Variants in NALF1 observed in about 807,000 individuals in gnomAD.
The protein encoded by NALF1 is NALCN channel auxiliary factor 1.
A neutral mutation model predicts 48.4 loss-of-function variants in NALF1; 3 were observed. The observed-to-expected ratio is 0.06, with a 90% CI of 0.03 to 0.16. The LOEUF (loss-of-function observed/expected upper bound fraction) is 0.16. Among genes scored for constraint, NALF1 ranks in the 10% least tolerant of loss-of-function variants. The probability of loss-of-function intolerance (pLI) is 1.00; values close to 1 mark genes in which losing one functional copy is unlikely to be tolerated. For missense variants in NALF1, 526 were observed against 571.5 expected, an observed-to-expected ratio of 0.92 and a Z score of 0.81; for synonymous variants, 262 against 245.7, an observed-to-expected ratio of 1.07 and a Z score of -0.62.
At chr13:107,753,736 C>A (rs753120728) in intron 1 of NALF1, among the ~76,000 whole-genome samples, 1 of 151,964 alleles carries the variant, frequency 6.6e-6, no homozygotes, top group African/African-American at 2.4e-5. Context: ...TATAGGTATA[C>A]GTCATTATTT....
chr13:107,531,722 T>A (rs1423023171), intron 1 of NALF1, among the ~76,000 whole-genome samples: 1 of 152,126 alleles, frequency 6.6e-6, no homozygotes, highest in Non-Finnish European at 1.5e-5. Context: ...TTTATCTCAG[T>A]ATGCTCATCT....
At chr13:107,708,827 C>G (rs142038715) in intron 1 of NALF1, among the ~76,000 whole-genome samples, 13 of 152,216 alleles carry the variant, frequency 8.5e-5, no homozygotes, top group Non-Finnish European at 1.0e-4. Context: ...CAGATCAACC[C>G]ATCACCTAGG....
At chr13:107,464,163 G>A (rs1884962393) in intron 1 of NALF1, among the ~76,000 whole-genome samples, 1 of 151,926 alleles carries the variant, frequency 6.6e-6, no homozygotes, top group Non-Finnish European at 1.5e-5. Flanking sequence ...ACCTATCTAA[G>A]TTCCATGAAT....
chr13:107,271,806 A>ATTTATT (rs1278003170), intron 1 of NALF1, among the ~76,000 whole-genome samples: 5 of 25,244 alleles, frequency 2.0e-4, no homozygotes, highest in Admixed American at 4.9e-4. Flanking sequence ...ATATATATAT[A>ATTTATT]TATATATATA....
intron 1 of NALF1, among the ~76,000 whole-genome samples, chr13:107,293,310 C>T (rs975763639): frequency 2.0e-5 from 3 of 152,110 alleles, no homozygotes; most frequent in Non-Finnish European, 2.9e-5. Context: ...GAGCCACCAT[C>T]GTACATGTGG....
intron 1 of NALF1, among the ~76,000 whole-genome samples, chr13:107,651,119 G>A (rs1490755833): frequency 2.5e-5 from 2 of 81,510 alleles, no homozygotes; most frequent in Non-Finnish European, 5.7e-5. Context: ...TGCTTTATTT[G>A]ATTTGTTTAA....
intron 1 of NALF1, among the ~76,000 whole-genome samples, chr13:107,504,745 A>C (rs1020823527): frequency 1.1e-4 from 17 of 152,124 alleles, no homozygotes; most frequent in African/African-American, 4.1e-4. Flanking sequence ...CTTTCTCCCT[A>C]TTCTGTCTCC....
At chr13:107,408,307 C>T (rs1460019355) in intron 1 of NALF1, among the ~76,000 whole-genome samples, 1 of 151,962 alleles carries the variant, frequency 6.6e-6, no homozygotes, top group Admixed American at 6.6e-5. Flanking sequence ...ATCCAAAGGA[C>T]AAATGCTTAT....
chr13:107,431,392 C>T (rs1884379325), intron 1 of NALF1, among the ~76,000 whole-genome samples: 1 of 152,198 alleles, frequency 6.6e-6, no homozygotes, highest in African/African-American at 2.4e-5. Flanking sequence ...CACACACACA[C>T]ATGCGCATGC....
intron 1 of NALF1, among the ~76,000 whole-genome samples, chr13:107,556,336 C>CATAT (rs1877480236): frequency 1.4e-5 from 2 of 146,672 alleles, no homozygotes; most frequent in Admixed American, 7.1e-5. Flanking sequence ...TATATACACA[C>CATAT]ACATATATAT....
At chr13:107,427,327 G>T (rs1393305796) in intron 1 of NALF1, among the ~76,000 whole-genome samples, 1 of 151,648 alleles carries the variant, frequency 6.6e-6, no homozygotes, top group African/African-American at 2.4e-5. Flanking sequence ...TACTCTTACT[G>T]TATTTCTTCA....
chr13:107,395,581 T>C (rs1883698804), intron 1 of NALF1, among the ~76,000 whole-genome samples: 1 of 152,148 alleles, frequency 6.6e-6, no homozygotes, highest in Admixed American at 6.6e-5. Flanking sequence ...TCATTAGGGC[T>C]TTGGTTGGAC....
At chr13:107,522,082 A>G (rs927626) in intron 1 of NALF1, among the ~76,000 whole-genome samples, 81 of 152,014 alleles carry the variant, frequency 5.3e-4, no homozygotes, top group Non-Finnish European at 8.4e-4. Flanking sequence ...GATACTGTTA[A>G]AGGTAATAAA....
intron 1 of NALF1, among the ~76,000 whole-genome samples, chr13:107,464,880 A>G (rs1016628095): frequency 2.6e-5 from 4 of 152,196 alleles, no homozygotes; most frequent in African/African-American, 7.2e-5. Context: ...AGCAGTATAT[A>G]TTTAATGTAT....
At chr13:107,549,112 C>G (rs1372739434) in intron 1 of NALF1, among the ~76,000 whole-genome samples, 1 of 152,118 alleles carries the variant, frequency 6.6e-6, no homozygotes, top group African/African-American at 2.4e-5. Flanking sequence ...CAAACATGTT[C>G]TTTTGCCAAT....
At chr13:107,203,497 A>G (rs74116530) in intron 2 of NALF1, among the ~76,000 whole-genome samples, 2,036 of 152,342 alleles carry the variant, frequency 0.013, 58 homozygotes, top group African/African-American at 0.047. Flanking sequence ...CAGAGGGTTC[A>G]GAGGGCCTGA....
chr13:107,579,151 G>A (rs990971671), intron 1 of NALF1, among the ~76,000 whole-genome samples: 1 of 152,118 alleles, frequency 6.6e-6, no homozygotes, highest in Admixed American at 6.5e-5. Context: ...GAGTGCAGTG[G>A]CACAATCTCA....
At chr13:107,829,599 T>C (rs1229511406) in intron 1 of NALF1, among the ~76,000 whole-genome samples, 1 of 151,890 alleles carries the variant, frequency 6.6e-6, no homozygotes, top group Non-Finnish European at 1.5e-5. Flanking sequence ...ATTATTATAA[T>C]TAATAATAAT....
intron 1 of NALF1, among the ~76,000 whole-genome samples, chr13:107,306,286 A>C (rs1881934838): frequency 1.3e-5 from 2 of 152,164 alleles, no homozygotes; most frequent in Non-Finnish European, 2.9e-5. Context: ...GTGGTAATGG[A>C]ATCAAATCAC....
Sources: gnomAD v4.1 joint callset for allele counts (sites outside exome capture counted in the v4.1 genomes callset) on GRCh38, gnomAD v4.1.1 for gene constraint, MANE v1.5 for transcripts, NCBI Gene and HGNC (gene_info 2026-07-23, HGNC 2026-07-21) for gene names.